Variants in RINT1 observed in about 807,000 individuals in gnomAD.
RINT1 encodes RAD50-interacting protein 1.
In RINT1, 75 loss-of-function variants were observed where a neutral mutation model predicts 97.7. The ratio of observed to expected loss-of-function variants is 0.77; its 90% CI spans 0.64 to 0.93. RINT1 has a LOEUF of 0.93. Among genes scored for constraint, RINT1 ranks in the 40% least tolerant of loss-of-function variants. RINT1 has a pLI of 0.00. For missense variants in RINT1, 892 were observed against 925.2 expected, an observed-to-expected ratio of 0.96 and a Z score of 0.47; for synonymous variants, 303 against 326.3, an observed-to-expected ratio of 0.93 and a Z score of 0.77.
rs561140906 is a variant in RINT1 at position 105,534,890 on chromosome 7, T to C, written c.89-1675T>C. On this transcript the variant is annotated intron_variant, in intron 2 of 14. Transcript: ENST00000257700. ...AAAGGAAATTTTGTTTGTTGGGGTGTAGGGGTGGAGACAGGAACATACTCT... is the reference window on the plus strand; with the variant it reads ...AAAGGAAATTTTGTTTGTTGGGGTGCAGGGGTGGAGACAGGAACATACTCT... 9.9e-5 allele frequency among the ~76,000 whole-genome samples: 15 copies of C among 152,208 alleles called. No homozygotes were observed. In the South Asian group the frequency reaches 3.1e-3, roughly 32 times the overall value.
At chr7:105,532,974 G>T in intron 2 of RINT1, 105 bp downstream of exon 2, 3 of 976,634 alleles carry the variant, frequency 3.1e-6, no homozygotes, top group Non-Finnish European at 1.7e-6. Context: ...ATGCAGTACC[G>T]TTTTCTGCAC....
At chr7:105,562,927 CAAAA>C (rs1175923600) in intron 11 of RINT1, among the ~76,000 whole-genome samples, 4 of 151,642 alleles carry the variant, frequency 2.6e-5, no homozygotes, top group Non-Finnish European at 5.9e-5. Flanking sequence ...AAAAACAAAA[CAAAA>C]AAAACTTGTA....
Position 105,565,683 on chromosome 7 carries a change from T to G in RINT1, c.2186+35T>G, listed in dbSNP as rs192991150. 2.4e-4 allele frequency: 331 copies of G among 1,381,518 alleles called. 1 individual carries two copies. The highest frequency in any genetic ancestry group is 9.8e-5 in the Non-Finnish European group (96 of 977,736). The allele number at this position is 1,381,518 out of a possible 1,614,324, so 85.6% of individuals were successfully genotyped here. On this transcript the variant is annotated intron_variant, in intron 14 of 14. Coordinates refer to ENST00000257700, the MANE Select transcript of RINT1 (RefSeq NM_021930.6). ...ACATTTAACAATTAATATTAATGTA[T>G]CAAATTGTTACAGGAGGCTAACTCC...
At chr7:105,542,349 G>A in intron 3 of RINT1, 59 bp from the exon 4 acceptor site, 1 of 1,388,316 alleles carries the variant, frequency 7.2e-7, no homozygotes, top group Non-Finnish European at 9.9e-7. Context: ...AAAAAATTAT[G>A]AAAATTTTAT....
intron 2 of RINT1, 78 bp downstream of exon 2, chr7:105,532,947 C>A: frequency 1.5e-6 from 2 of 1,316,328 alleles, no homozygotes; most frequent in Non-Finnish European, 2.2e-6. Flanking sequence ...TAGAAAGGTT[C>A]TTTGCCTATC....
intron 2 of RINT1, 88 bp downstream of exon 2, chr7:105,532,957 C>A: frequency 8.5e-7 from 1 of 1,170,668 alleles, no homozygotes; most frequent in Non-Finnish European, 1.3e-6. Context: ...CTTTGCCTAT[C>A]TTTTAGATGC....
intron 4 of RINT1, among the ~76,000 whole-genome samples, chr7:105,546,064 G>T (rs1023940833): frequency 6.6e-6 from 1 of 152,036 alleles, no homozygotes; most frequent in Non-Finnish European, 1.5e-5. Context: ...CCTGACCTCC[G>T]GAGATCCACC....
chr7:105,532,373 C>T lies in RINT1; in HGVS notation c.42+16C>T, dbSNP rs1438755414. ...TGCAGCCCCGGTGAGACGGCCCTGG[C>T]GTCCCTGGGAGGGGACATTGGTGGC... On this transcript the variant is annotated intron_variant, in intron 1 of 14. Coordinates refer to ENST00000257700, the MANE Select transcript of RINT1 (RefSeq NM_021930.6). The T allele has an allele frequency of 1.3e-6, 2 of 1,598,602 alleles. No homozygotes were observed. The highest frequency in any genetic ancestry group is 1.7e-6 in the Non-Finnish European group (2 of 1,174,186).
At chr7:105,535,934 C>T (rs1790212305) in intron 2 of RINT1, among the ~76,000 whole-genome samples, 1 of 152,190 alleles carries the variant, frequency 6.6e-6, no homozygotes, top group Non-Finnish European at 1.5e-5. Context: ...TATTCCTTGT[C>T]TATTGAAACC....
chr7:105,543,477 C>T (rs1790541959), intron 4 of RINT1, among the ~76,000 whole-genome samples: 1 of 152,128 alleles, frequency 6.6e-6, no homozygotes, highest in African/African-American at 2.4e-5. Flanking sequence ...GAATACCTAT[C>T]ACTGGTAGTT....
chr7:105,539,355 CTTTTTTTTT>C (rs56362601), intron 3 of RINT1, among the ~76,000 whole-genome samples: 3 of 131,654 alleles, frequency 2.3e-5, no homozygotes, highest in Middle Eastern at 3.8e-3. Flanking sequence ...CTTTCCCACT[CTTTTTTTTT>C]TTTTTTTTTT....
chr7:105,553,926 T>C (rs1458730164), intron 10 of RINT1, among the ~76,000 whole-genome samples: 9 of 125,306 alleles, frequency 7.2e-5, no homozygotes, highest in Non-Finnish European at 9.8e-5. Context: ...TGAGATGGAG[T>C]CTCACTCTGT....
At chr7:105,535,862 A>C (rs1296921668) in intron 2 of RINT1, among the ~76,000 whole-genome samples, 1 of 151,952 alleles carries the variant, frequency 6.6e-6, no homozygotes, top group African/African-American at 2.4e-5. Context: ...TTAAAACAAG[A>C]GTCTTCTTTT....
chr7:105,561,661 A>G (rs2133452953), intron 11 of RINT1, among the ~76,000 whole-genome samples: 1 of 152,176 alleles, frequency 6.6e-6, no homozygotes, highest in South Asian at 2.1e-4. Context: ...TCCTGGGTTC[A>G]AGCAATTCTT....
intron 10 of RINT1, among the ~76,000 whole-genome samples, chr7:105,553,679 C>T (rs1418893358): frequency 6.7e-6 from 1 of 149,160 alleles, no homozygotes; most frequent in South Asian, 2.1e-4. Flanking sequence ...TCCCAAAGTG[C>T]TGGGATTACA....
chr7:105,535,450 G>A (rs568001623), intron 2 of RINT1: 15 of 379,948 alleles, frequency 3.9e-5, no homozygotes, highest in South Asian at 2.2e-4. Flanking sequence ...GGCTGGTCTC[G>A]AACTCCTGAC....
At chr7:105,548,892 G>A (rs781127516) in intron 7 of RINT1, among the ~76,000 whole-genome samples, 182 bp downstream of exon 7, 7 of 151,984 alleles carry the variant, frequency 4.6e-5, no homozygotes, top group Non-Finnish European at 1.0e-4. Context: ...TTCATATACT[G>A]TAGGAAAAAT....
intron 10 of RINT1, among the ~76,000 whole-genome samples, chr7:105,554,801 TA>T (rs1363748029): frequency 1.3e-5 from 2 of 152,236 alleles, no homozygotes; most frequent in Non-Finnish European, 2.9e-5. Flanking sequence ...AGGTATAGTT[TA>T]CATACAGTGT....
At chr7:105,542,712 T>A in intron 4 of RINT1, 63 bp downstream of exon 4, 1 of 1,505,912 alleles carries the variant, frequency 6.6e-7, no homozygotes, top group Non-Finnish European at 8.9e-7. Context: ...TCTTAGAGAG[T>A]ACATGTGTGC....
Sources: gnomAD v4.1 joint callset for allele counts (sites outside exome capture counted in the v4.1 genomes callset) on GRCh38, gnomAD v4.1.1 for gene constraint, MANE v1.5 for transcripts, NCBI Gene and HGNC (gene_info 2026-07-23, HGNC 2026-07-21) for gene names.